The following DCDC2C variants were observed in gnomAD, a reference collection of about 807,000 sequenced individuals.
DCDC2C encodes doublecortin domain containing 2C, also known as doublecortin domain-containing protein 2C.
In DCDC2C, 44 loss-of-function variants were observed where a neutral mutation model predicts 45.0. The ratio of observed to expected loss-of-function variants is 0.98; its 90% CI spans 0.77 to 1.26. The LOEUF (loss-of-function observed/expected upper bound fraction) is 1.26. DCDC2C is among the 50% of genes most tolerant of loss of function. The pLI, the probability that DCDC2C is intolerant of heterozygous loss-of-function variation, is 0.00. For missense variants in DCDC2C, 447 were observed against 468.9 expected (o/e 0.95, Z 0.43); for synonymous variants, 187 against 178.8 (o/e 1.05, Z -0.37).
Position 3,847,329 on chromosome 2 carries a change from C to T in DCDC2C, c.*146C>T, listed in dbSNP as rs140714292. On this transcript the variant is annotated 3_prime_UTR_variant, in exon 11 of 11. Coordinates refer to ENST00000399143, the MANE Select transcript of DCDC2C (RefSeq NM_001287444.2). ...GTGGTGTCTTCTCGAAAGCCAAAGA[C>T]GAGGTTTCATAATTGAGCTCCATTT... The T allele has an allele frequency of 4.1e-3, 1,872 of 459,182 alleles. 5 individuals are homozygous for T. The highest frequency in any genetic ancestry group is 5.6e-3 in the Non-Finnish European group (1,580 of 283,884). The allele number at this position is 459,182 out of a possible 1,614,324, so 28.4% of individuals were successfully genotyped here.
intron 10 of DCDC2C, among the ~76,000 whole-genome samples, chr2:3,799,142 C>G (rs1671041793): frequency 6.6e-6 from 1 of 152,150 alleles, no homozygotes; most frequent in Admixed American, 6.5e-5. Flanking sequence ...TGCTGATACC[C>G]TTTCTTCCAG....
intron 2 of DCDC2C, among the ~76,000 whole-genome samples, chr2:3,719,224 T>C (rs946233539): frequency 2.6e-5 from 4 of 152,178 alleles, no homozygotes; most frequent in African/African-American, 9.7e-5. Flanking sequence ...TAGCTGGGAC[T>C]ACAGGTGCCC....
chr2:3,726,542 C>T (rs551987001), intron 2 of DCDC2C, among the ~76,000 whole-genome samples: 36 of 152,264 alleles, frequency 2.4e-4, no homozygotes, highest in African/African-American at 6.7e-4. Flanking sequence ...GAGGGGCTCC[C>T]GCCTCCTGGC....
intron 9 of DCDC2C, among the ~76,000 whole-genome samples, chr2:3,783,666 G>A (rs1319731041): frequency 6.6e-6 from 1 of 152,244 alleles, no homozygotes; most frequent in Non-Finnish European, 1.5e-5. Context: ...GACTCTGGAA[G>A]ATATTAGGTG....
chr2:3,834,420 G>A (rs1192346701), intron 10 of DCDC2C, among the ~76,000 whole-genome samples: 5 of 152,080 alleles, frequency 3.3e-5, no homozygotes, highest in East Asian at 1.9e-4. Flanking sequence ...TGGTTTCACC[G>A]GTTCCAGAAT....
intron 7 of DCDC2C, 109 bp from the exon 8 acceptor site, chr2:3,769,202 G>A (rs532691010): frequency 2.0e-4 from 214 of 1,051,552 alleles, no homozygotes; most frequent in African/African-American, 1.7e-3. Flanking sequence ...TGGCCTGCCC[G>A]AAGCTCCAGG....
At chr2:3,717,463 C>G in intron 2 of DCDC2C, among the ~76,000 whole-genome samples, 1 of 145,212 alleles carries the variant, frequency 6.9e-6, no homozygotes, top group Admixed American at 6.8e-5. Context: ...TCCCTCCCTG[C>G]CCACCCATCC....
chr2:3,815,779 G>C (rs1020100542), intron 10 of DCDC2C, among the ~76,000 whole-genome samples: 1 of 152,134 alleles, frequency 6.6e-6, no homozygotes, highest in African/African-American at 2.4e-5. Context: ...TCTGAGCCAG[G>C]AGAAGGAATT....
intron 10 of DCDC2C, among the ~76,000 whole-genome samples, chr2:3,786,789 A>G (rs1670666636): frequency 6.6e-6 from 1 of 152,260 alleles, no homozygotes; most frequent in Admixed American, 6.5e-5. Flanking sequence ...TAGCTTTTCC[A>G]CTAACTTGCT....
chr2:3,708,649 G>A (rs1163833044), intron 2 of DCDC2C, 49 bp downstream of exon 2: 1 of 1,411,340 alleles, frequency 7.1e-7, no homozygotes, highest in African/African-American at 1.4e-5. Context: ...TGGCCAACTT[G>A]GTAAAAATTT....
At chr2:3,719,564 A>C (rs955171290) in intron 2 of DCDC2C, among the ~76,000 whole-genome samples, 1 of 152,110 alleles carries the variant, frequency 6.6e-6, no homozygotes, top group African/African-American at 2.4e-5. Context: ...GGAGGCCATG[A>C]TAATGGGGAT....
At chr2:3,713,472 G>C (rs1668272806) in intron 2 of DCDC2C, among the ~76,000 whole-genome samples, 1 of 152,150 alleles carries the variant, frequency 6.6e-6, no homozygotes, top group Admixed American at 6.5e-5. Flanking sequence ...AGGGTGAGTT[G>C]AGAACAGCTG....
In DCDC2C at chr2:3,767,750, G is replaced by A; in HGVS notation, c.727-4G>A. ...GGACTTTCTCTTCTTCATTTGTCCT[G>A]TAGGTGGACTCCAAAGGAAAAGAAC... On this transcript the variant is annotated splice_region_variant and splice_polypyrimidine_tract_variant and intron_variant, in intron 6 of 10. Coordinates refer to ENST00000399143, the MANE Select transcript of DCDC2C (RefSeq NM_001287444.2). The A allele has an allele frequency of 1.9e-6, 3 of 1,550,504 alleles. No homozygotes were observed. Among genetic ancestry groups the A allele is most frequent in the South Asian group, 2.4e-5 (2 of 84,024 alleles).
chr2:3,726,639 C>T (rs1040505007), intron 2 of DCDC2C, among the ~76,000 whole-genome samples: 4 of 152,202 alleles, frequency 2.6e-5, no homozygotes, highest in Non-Finnish European at 4.4e-5. Context: ...CAAAGCTCCT[C>T]GGCATAGTAG....
At position 3,847,647 on chromosome 2, in the gene DCDC2C, GA is replaced by G. The variant is rs1174649950; in HGVS notation, c.*471del. 1.3e-5 allele frequency among the ~76,000 whole-genome samples: 2 copies of G among 152,112 alleles called. No homozygotes were observed. The highest frequency in any genetic ancestry group is 3.8e-4 in the East Asian group (2 of 5,198). On this transcript the variant is annotated 3_prime_UTR_variant, in exon 11 of 11. Coordinates refer to ENST00000399143, the MANE Select transcript of DCDC2C (RefSeq NM_001287444.2). ...TGAATAACTAGTTCAAAGTGAAAAG[GA>G]AAAAAATCCAGGGTTCGCTGGTGAC...
intron 10 of DCDC2C, among the ~76,000 whole-genome samples, chr2:3,828,483 TTGG>T (rs142066775): frequency 0.014 from 2,088 of 152,278 alleles, 43 homozygotes; most frequent in African/African-American, 0.045. Flanking sequence ...CAGCAACCCT[TTGG>T]GCTCTACCCA....
intron 2 of DCDC2C, among the ~76,000 whole-genome samples, chr2:3,722,522 G>A (rs1053430264): frequency 6.6e-6 from 1 of 152,172 alleles, no homozygotes; most frequent in African/African-American, 2.4e-5. Context: ...GTCATCTTGA[G>A]TCTTCCGTCT....
chr2:3,714,339 G>T (rs1373575503), intron 2 of DCDC2C, among the ~76,000 whole-genome samples: 1 of 152,188 alleles, frequency 6.6e-6, no homozygotes, highest in African/African-American at 2.4e-5. Flanking sequence ...TTCAATGACT[G>T]TGCCATGTTG....
chr2:3,703,602 C>G lies in DCDC2C; in HGVS notation c.-150C>G. On this transcript the variant is annotated 5_prime_UTR_variant, in exon 1 of 11. Transcript: ENST00000399143. The surrounding 1 kb of genome is among the most constrained non-coding windows in gnomAD (Gnocchi z 4.4). The stretch of plus-strand genomic sequence containing the variant: ...CCCCGTCCCGTCCCCGTCCAGCCCC[C>G]GTCCCGTCCCCGTCCCGTCCCCGTC... 1.3e-6 allele frequency: 1 copy of G among 744,956 alleles called. No individual in the cohort carries two copies. Among genetic ancestry groups the G allele is most frequent in the Non-Finnish European group, 1.8e-6 (1 of 557,056 alleles). The allele number at this position is 744,956 out of a possible 1,614,324, so 46.1% of individuals were successfully genotyped here.
Sources: allele counts gnomAD v4.1 joint callset (sites outside exome capture counted in the v4.1 genomes callset), GRCh38; gene constraint gnomAD v4.1.1; non-coding constraint Gnocchi (gnomAD v3.1); transcripts MANE v1.5; gene names NCBI Gene and HGNC (gene_info 2026-07-23, HGNC 2026-07-21).